The following RGPD2 variants were observed in gnomAD, a reference collection of about 807,000 sequenced individuals.
RGPD2 encodes RANBP2-like and GRIP domain-containing protein 2.
A neutral mutation model predicts 36.0 loss-of-function variants in RGPD2; 2 were observed. That is an observed-to-expected ratio of 0.06 (90% CI 0.02 to 0.17). RGPD2 has a LOEUF of 0.17. Ranked by LOEUF, RGPD2 falls within the 10% of genes least tolerant of loss-of-function variation. The pLI, the probability that RGPD2 is intolerant of heterozygous loss-of-function variation, is 1.00. For synonymous variants in RGPD2, 19 were observed against 163.8 expected, an observed-to-expected ratio of 0.12 and a Z score of 6.75; for missense variants, 40 against 464.3, an observed-to-expected ratio of 0.09 and a Z score of 8.40.
the RGPD2 span, among the ~76,000 whole-genome samples, chr2:87,879,086 G>A: frequency 6.6e-6 from 1 of 152,166 alleles, no homozygotes; most frequent in African/African-American, 2.4e-5. Flanking sequence ...TTTCCTTTGG[G>A]TATATACATA....
chr2:87,937,414 T>A, the RGPD2 span, among the ~76,000 whole-genome samples: 1 of 151,754 alleles, frequency 6.6e-6, no homozygotes, highest in Non-Finnish European at 1.5e-5. Context: ...AGAGAAAAGT[T>A]TTTTTTGGCT....
chr2:87,937,800 T>A, the RGPD2 span, among the ~76,000 whole-genome samples: 1 of 151,952 alleles, frequency 6.6e-6, no homozygotes, highest in African/African-American at 2.4e-5. Context: ...GGGAAGAAAC[T>A]AGGGGACTGT....
chr2:87,866,279 C>G, the RGPD2 span, among the ~76,000 whole-genome samples: 10 of 144,388 alleles, frequency 6.9e-5, no homozygotes, highest in Non-Finnish European at 1.5e-4. Context: ...TTTGTATATT[C>G]TAAGTAGAAT....
intron 6 of RGPD2, among the ~76,000 whole-genome samples, chr2:87,809,188 C>G (rs1280126609): frequency 2.3e-4 from 35 of 151,778 alleles, no homozygotes; most frequent in African/African-American, 8.2e-4. Flanking sequence ...ACCTGTAGGC[C>G]CAGCTACTCG....
the RGPD2 span, chr2:87,985,807 G>C: frequency 6.2e-7 from 1 of 1,611,282 alleles, no homozygotes; most frequent in Non-Finnish European, 8.5e-7. Flanking sequence ...CACTCTGAGT[G>C]ATAACTGGGT....
chr2:87,884,136 C>T, the RGPD2 span, among the ~76,000 whole-genome samples: 1 of 152,072 alleles, frequency 6.6e-6, no homozygotes, highest in Non-Finnish European at 1.5e-5. Flanking sequence ...AAATCAATAA[C>T]AGGAAGAGTC....
intron 8 of RGPD2, among the ~76,000 whole-genome samples, chr2:87,798,770 A>T (rs1685788855): frequency 7.9e-6 from 1 of 125,822 alleles, no homozygotes; most frequent in African/African-American, 2.8e-5. Flanking sequence ...GGGGAGGCTG[A>T]GGGAGGAGAA....
At chr2:87,984,232 C>T in the RGPD2 span, among the ~76,000 whole-genome samples, 25,606 of 152,064 alleles carry the variant, frequency 0.17, 2,649 homozygotes, top group Non-Finnish European at 0.23. Flanking sequence ...GTGAAATGGG[C>T]GCTTTTAAAT....
the RGPD2 span, among the ~76,000 whole-genome samples, chr2:87,957,238 G>GGA: frequency 2.8e-5 from 4 of 142,024 alleles, no homozygotes; most frequent in East Asian, 2.1e-4. Context: ...AAGGTCACTG[G>GGA]GGGGGGGCTC....
the RGPD2 span, among the ~76,000 whole-genome samples, chr2:87,857,774 TAA>T: frequency 0.054 from 6,585 of 122,240 alleles, no homozygotes; most frequent in Middle Eastern, 0.083. Context: ...CCATCTCTAC[TAA>T]AAAAAAAAAA....
chr2:87,842,781 G>A, the RGPD2 span, among the ~76,000 whole-genome samples: 19 of 151,170 alleles, frequency 1.3e-4, no homozygotes, highest in African/African-American at 4.4e-4. Context: ...GAACAAAGCT[G>A]GAGGCATCAC....
At chr2:87,884,572 G>A in the RGPD2 span, among the ~76,000 whole-genome samples, 1 of 151,512 alleles carries the variant, frequency 6.6e-6, no homozygotes, top group Admixed American at 6.6e-5. Flanking sequence ...ATAAAAGAGA[G>A]AAGACAAATA....
intron 22 of RGPD2, among the ~76,000 whole-genome samples, chr2:87,763,507 C>CA (rs1684960847): frequency 1.7e-5 from 1 of 59,668 alleles, no homozygotes; most frequent in Non-Finnish European, 3.1e-5. Context: ...TTAATTTTCA[C>CA]AATACATTTT....
At chr2:87,909,098 G>T in the RGPD2 span, among the ~76,000 whole-genome samples, 4 of 150,324 alleles carry the variant, frequency 2.7e-5, no homozygotes, top group Non-Finnish European at 3.0e-5. Context: ...CAGGGATGGG[G>T]TATGATTTGG....
the RGPD2 span, among the ~76,000 whole-genome samples, chr2:87,915,409 TTGTATATATGTATA>T: frequency 2.7e-4 from 38 of 142,212 alleles, no homozygotes; most frequent in South Asian, 2.8e-3. Flanking sequence ...ATTATATATA[TTGTATATATGTATA>T]TGTATATATG....
At chr2:87,877,616 A>G in the RGPD2 span, among the ~76,000 whole-genome samples, 7 of 152,252 alleles carry the variant, frequency 4.6e-5, no homozygotes, top group African/African-American at 1.7e-4. Context: ...ATCCTGGCTA[A>G]CACGGTGAAA....
the RGPD2 span, among the ~76,000 whole-genome samples, chr2:87,861,478 T>C: frequency 6.6e-6 from 1 of 152,130 alleles, no homozygotes; most frequent in Non-Finnish European, 1.5e-5. Flanking sequence ...TACATTTATC[T>C]GCAATTTCCA....
At chr2:87,948,142 T>A in the RGPD2 span, among the ~76,000 whole-genome samples, 11 of 108,758 alleles carry the variant, frequency 1.0e-4, no homozygotes, top group Non-Finnish European at 2.3e-4. Context: ...ATTAATAGGA[T>A]TCTGAATTCA....
chr2:87,935,405 T>C, the RGPD2 span, among the ~76,000 whole-genome samples: 7 of 149,512 alleles, frequency 4.7e-5, no homozygotes, highest in African/African-American at 1.7e-4. Context: ...ACAAATATGG[T>C]TGTACACAAC....
Sources: allele counts gnomAD v4.1 joint callset (sites outside exome capture counted in the v4.1 genomes callset), GRCh38; gene constraint gnomAD v4.1.1; transcripts MANE v1.5; gene names NCBI Gene and HGNC (gene_info 2026-07-23, HGNC 2026-07-21).